The following ENOX1 variants were observed in gnomAD, a reference collection of about 807,000 sequenced individuals.
The protein encoded by ENOX1 is ecto-NOX disulfide-thiol exchanger 1, also known as candidate growth-related and time keeping constitutive hydroquinone (NADH) oxidase.
In ENOX1, 42 loss-of-function variants were observed where a neutral mutation model predicts 82.5. That is an observed-to-expected ratio of 0.51 (90% CI 0.40 to 0.66). ENOX1 has a LOEUF of 0.66. ENOX1 is among the 30% of genes least tolerant of loss of function. The pLI is 0.00. For synonymous variants in ENOX1, 271 were observed against 282.2 expected (o/e 0.96, Z 0.40); for missense variants, 608 against 811.6 (o/e 0.75, Z 3.05).
intron 15 of ENOX1, among the ~76,000 whole-genome samples, chr13:43,225,112 T>C (rs751582644): frequency 3.9e-5 from 6 of 152,202 alleles, no homozygotes; most frequent in Non-Finnish European, 7.3e-5. Flanking sequence ...ATGATGCCCT[T>C]TGCAGCAACA....
At chr13:43,296,391 A>C (rs2064334159) in intron 12 of ENOX1, among the ~76,000 whole-genome samples, 1 of 152,218 alleles carries the variant, frequency 6.6e-6, no homozygotes, top group Non-Finnish European at 1.5e-5. Flanking sequence ...CCACAAGTCA[A>C]GGAAGGCCAA....
intron 5 of ENOX1, among the ~76,000 whole-genome samples, chr13:43,363,156 T>C (rs1418528653): frequency 6.6e-6 from 1 of 152,222 alleles, no homozygotes; most frequent in African/African-American, 2.4e-5. Flanking sequence ...GTTTTATAAG[T>C]GACAGAGATG....
At chr13:43,588,829 A>C (rs1355601744) in intron 2 of ENOX1, among the ~76,000 whole-genome samples, 1 of 152,208 alleles carries the variant, frequency 6.6e-6, no homozygotes, top group Non-Finnish European at 1.5e-5. Flanking sequence ...AGTTGCATGG[A>C]ACAAAATTTT....
At chr13:43,543,089 T>C (rs781279347) in intron 2 of ENOX1, among the ~76,000 whole-genome samples, 19 of 152,142 alleles carry the variant, frequency 1.2e-4, no homozygotes, top group Non-Finnish European at 2.6e-4. Flanking sequence ...AGAACGAGTA[T>C]GCATGAGGGC....
At chr13:43,396,949 T>C (rs1347330309) in intron 5 of ENOX1, among the ~76,000 whole-genome samples, 2 of 152,186 alleles carry the variant, frequency 1.3e-5, no homozygotes, top group Non-Finnish European at 2.9e-5. Flanking sequence ...CACCGTGTGA[T>C]AGAGCAGGGT....
intron 3 of ENOX1, among the ~76,000 whole-genome samples, chr13:43,466,049 T>A (rs2057704000): frequency 6.6e-6 from 1 of 152,194 alleles, no homozygotes; most frequent in South Asian, 2.1e-4. Context: ...ATTCTCATGA[T>A]CCCTTGTATT....
intron 5 of ENOX1, among the ~76,000 whole-genome samples, chr13:43,361,785 T>C (rs2050526131): frequency 6.6e-6 from 1 of 152,154 alleles, no homozygotes; most frequent in South Asian, 2.1e-4. Context: ...GTGTATTGTT[T>C]ATACCACCTT....
At position 43,269,471 on chromosome 13, in the gene ENOX1, T is replaced by C; in HGVS notation, c.1553A>G (p.Gln518Arg). ...TQALLKVLQEQLKGTKELVET... is the reference protein window; with the variant it reads ...TQALLKVLQERLKGTKELVET... ...ATCAGAGCTGTTTCATTCACTTACT[T>C]GTTCCTGCAGGACTTTTAGTAACGC... The change falls in exon 13 of 17, where the codon CAA (glutamine) becomes CGA (arginine). Residue 518 changes from glutamine (Q) to arginine (R), a missense_variant and splice_region_variant. Physicochemically the swap from Gln to Arg is conservative, Grantham distance 43 (BLOSUM62 1). Coordinates refer to ENST00000690772, the MANE Select transcript of ENOX1 (RefSeq NM_001347969.2). 6.2e-7 allele frequency: 1 copy of C among 1,612,562 alleles called. No individual in the cohort carries two copies. Among genetic ancestry groups the C allele is most frequent in the Non-Finnish European group, 8.5e-7 (1 of 1,178,570 alleles).
In ENOX1 at chr13:43,402,124, A is replaced by C. The variant is rs539102084; in HGVS notation, c.208+9792T>G. Among the ~76,000 whole-genome samples the C allele has an allele frequency of 1.2e-4, 19 of 152,328 alleles. No homozygotes were observed. In the South Asian group the frequency reaches 2.9e-3, roughly 23 times the overall value. ...ATAGAATCAGTAGATAAGCACACTA[A>C]AACAGCTATTATAAATATACTCCAT... On this transcript the variant is annotated intron_variant, in intron 5 of 16. Transcript: ENST00000690772.
At chr13:43,575,256 T>C (rs181070000) in intron 2 of ENOX1, among the ~76,000 whole-genome samples, 1 of 152,308 alleles carries the variant, frequency 6.6e-6, no homozygotes, top group Admixed American at 6.5e-5. Flanking sequence ...ATTAGGAAGC[T>C]TGACTCCATT....
At chr13:43,551,788 G>A (rs1331009433) in intron 2 of ENOX1, among the ~76,000 whole-genome samples, 1 of 152,156 alleles carries the variant, frequency 6.6e-6, no homozygotes, top group African/African-American at 2.4e-5. Context: ...GAGAGGATGG[G>A]CCCAGCACAA....
chr13:43,639,074 C>T (rs775596057), intron 2 of ENOX1, among the ~76,000 whole-genome samples: 2 of 151,796 alleles, frequency 1.3e-5, no homozygotes, highest in Non-Finnish European at 2.9e-5. Context: ...GAAGCCAAGG[C>T]GGGCAGATCA....
chr13:43,495,540 T>A (rs543460448), intron 2 of ENOX1, among the ~76,000 whole-genome samples: 1 of 152,154 alleles, frequency 6.6e-6, no homozygotes, highest in South Asian at 2.1e-4. Context: ...AATAACCTAC[T>A]ACATATAATA....
chr13:43,590,742 C>T (rs2153725042), intron 2 of ENOX1, among the ~76,000 whole-genome samples: 1 of 146,032 alleles, frequency 6.8e-6, no homozygotes. Context: ...CACCACTGTG[C>T]TCTAGCCTGG....
chr13:43,649,013 T>G (rs2084027850), intron 2 of ENOX1, among the ~76,000 whole-genome samples: 2 of 152,202 alleles, frequency 1.3e-5, no homozygotes, highest in Non-Finnish European at 2.9e-5. Flanking sequence ...CACAGCTGTC[T>G]CTACTGCACA....
Position 43,765,742 on chromosome 13 carries a change from C to G in ENOX1, c.-285+20910G>C, listed in dbSNP as rs140313515. Among the ~76,000 whole-genome samples, 432 of 152,228 alleles carry G rather than the reference C, an allele frequency of 2.8e-3. 4 individuals are homozygous for G. Among genetic ancestry groups the G allele is most frequent in the African/African-American group, 1.0e-2 (415 of 41,544 alleles). ...ACTTCACCAACTTTCAATTTCATCA[C>G]CTTTATAACTCGGAAAATAATCATT... On this transcript the variant is annotated intron_variant, in intron 1 of 16. Coordinates refer to ENST00000690772, the MANE Select transcript of ENOX1 (RefSeq NM_001347969.2).
intron 3 of ENOX1, among the ~76,000 whole-genome samples, chr13:43,419,416 C>T (rs559526063): frequency 2.0e-5 from 3 of 152,006 alleles, no homozygotes; most frequent in African/African-American, 4.8e-5. Context: ...CATGGTAGTG[C>T]CCTCCTGTCG....
intron 1 of ENOX1, among the ~76,000 whole-genome samples, chr13:43,686,963 T>A (rs973730381): frequency 6.6e-6 from 1 of 151,208 alleles, no homozygotes; most frequent in Non-Finnish European, 1.5e-5. Flanking sequence ...ACAAGAGAAG[T>A]GAACTTTACT....
At chr13:43,438,263 A>G (rs767488206) in intron 3 of ENOX1, among the ~76,000 whole-genome samples, 8 of 152,216 alleles carry the variant, frequency 5.3e-5, no homozygotes, top group Non-Finnish European at 1.0e-4. Flanking sequence ...AGTAAGCTCT[A>G]CAGGAAGACA....
Sources: allele counts gnomAD v4.1 joint callset (sites outside exome capture counted in the v4.1 genomes callset), GRCh38; gene constraint gnomAD v4.1.1; transcripts MANE v1.5; gene names NCBI Gene and HGNC (gene_info 2026-07-23, HGNC 2026-07-21).